ASAP1: variants seen among roughly 807,000 people sequenced by gnomAD.
ASAP1 encodes ArfGAP with SH3 domain, ankyrin repeat and PH domain 1, also known as arf-GAP with SH3 domain, ANK repeat and PH domain-containing protein 1.
A neutral mutation model predicts 145.2 loss-of-function variants in ASAP1; 43 were observed. The ratio of observed to expected loss-of-function variants is 0.30; its 90% CI spans 0.23 to 0.38. ASAP1 has a LOEUF of 0.38. Ranked by LOEUF, ASAP1 falls within the 10% of genes least tolerant of loss-of-function variation. ASAP1 has a pLI of 1.00. For missense variants in ASAP1, 1,018 were observed against 1,355.3 expected, an observed-to-expected ratio of 0.75 and a Z score of 3.91; for synonymous variants, 546 against 515.5, an observed-to-expected ratio of 1.06 and a Z score of -0.80.
At chr8:130,429,819 A>G (rs538786920) in intron 1 of ASAP1, among the ~76,000 whole-genome samples, 1 of 152,350 alleles carries the variant, frequency 6.6e-6, no homozygotes, top group East Asian at 1.9e-4. Flanking sequence ...ATGAGTTTTG[A>G]AGAATAACGC....
chr8:130,301,189 A>G (rs2137424878), intron 3 of ASAP1, among the ~76,000 whole-genome samples: 1 of 152,314 alleles, frequency 6.6e-6, no homozygotes, highest in East Asian at 1.9e-4. Flanking sequence ...GGCATAACCC[A>G]TTAGGCTACC....
chr8:130,435,478 G>A (rs1353849432), intron 1 of ASAP1, among the ~76,000 whole-genome samples: 8 of 152,172 alleles, frequency 5.3e-5, no homozygotes, highest in African/African-American at 9.7e-5. Flanking sequence ...TGCACAGGAC[G>A]CACTCAGTAA....
At chr8:130,276,722 A>T (rs1365504761) in intron 3 of ASAP1, among the ~76,000 whole-genome samples, 1,224 of 109,876 alleles carry the variant, frequency 0.011, 15 homozygotes, top group African/African-American at 0.036. Context: ...ACACACACAC[A>T]CACACACTCT....
chr8:130,270,247 G>A (rs984290779), intron 3 of ASAP1, among the ~76,000 whole-genome samples: 1 of 152,166 alleles, frequency 6.6e-6, no homozygotes, highest in African/African-American at 2.4e-5. Context: ...AAGTCACTTT[G>A]GGCCCATGTT....
At chr8:130,291,798 A>G (rs1185027216) in intron 3 of ASAP1, among the ~76,000 whole-genome samples, 1 of 152,182 alleles carries the variant, frequency 6.6e-6, no homozygotes, top group African/African-American at 2.4e-5. Context: ...CCAAGATGCC[A>G]TATGTTAAAG....
intron 1 of ASAP1, among the ~76,000 whole-genome samples, chr8:130,420,082 C>T (rs1011045848): frequency 2.0e-5 from 3 of 152,074 alleles, no homozygotes; most frequent in East Asian, 1.9e-4. Flanking sequence ...TGAGCCACCA[C>T]GCCCAGCCAA....
chr8:130,265,884 A>G (rs562873807), intron 3 of ASAP1, among the ~76,000 whole-genome samples: 1 of 152,176 alleles, frequency 6.6e-6, no homozygotes, highest in Admixed American at 6.5e-5. Flanking sequence ...TCTCCCCCGA[A>G]AAAAGCAAAG....
At chr8:130,296,957 A>T (rs1171122792) in intron 3 of ASAP1, among the ~76,000 whole-genome samples, 1 of 152,106 alleles carries the variant, frequency 6.6e-6, no homozygotes, top group Non-Finnish European at 1.5e-5. Context: ...TAAGTGGATG[A>T]GAGAGGTAAG....
intron 1 of ASAP1, among the ~76,000 whole-genome samples, chr8:130,430,570 C>T (rs1398402096): frequency 6.6e-6 from 1 of 152,110 alleles, no homozygotes; most frequent in Non-Finnish European, 1.5e-5. Flanking sequence ...GCTTGTTAAG[C>T]AGGAAGGTGA....
intron 3 of ASAP1, among the ~76,000 whole-genome samples, chr8:130,301,677 T>A (rs917112073): frequency 8.5e-5 from 13 of 152,330 alleles, no homozygotes; most frequent in African/African-American, 3.1e-4. Context: ...ACCAGAAATA[T>A]ATCCTACAAT....
At chr8:130,059,690 AAT>A (rs1407518171) in intron 28 of ASAP1, among the ~76,000 whole-genome samples, 2 of 152,240 alleles carry the variant, frequency 1.3e-5, no homozygotes, top group Non-Finnish European at 2.9e-5. Flanking sequence ...AAAATGACAG[AAT>A]ATGAGATTTC....
At chr8:130,211,965 T>C (rs1318966427) in intron 5 of ASAP1, among the ~76,000 whole-genome samples, 1 of 152,120 alleles carries the variant, frequency 6.6e-6, no homozygotes, top group African/African-American at 2.4e-5. Flanking sequence ...GGGTGTTGAG[T>C]GCTGCTCAGC....
chr8:130,435,257 T>G (rs1407798089), intron 1 of ASAP1, among the ~76,000 whole-genome samples: 1 of 152,236 alleles, frequency 6.6e-6, no homozygotes, highest in Non-Finnish European at 1.5e-5. Context: ...ATTCAGGACT[T>G]CTGAGTCTCA....
At chr8:130,381,257 G>A (rs1470006657) in intron 2 of ASAP1, among the ~76,000 whole-genome samples, 3 of 152,074 alleles carry the variant, frequency 2.0e-5, no homozygotes, top group Non-Finnish European at 4.4e-5. Context: ...TTAAACTCCT[G>A]GTCTCAAGCA....
intron 3 of ASAP1, among the ~76,000 whole-genome samples, chr8:130,257,320 C>T (rs1819624208): frequency 6.6e-6 from 1 of 152,122 alleles, no homozygotes; most frequent in Non-Finnish European, 1.5e-5. Flanking sequence ...AGCAGTTCCC[C>T]CAATATCCAA....
At chr8:130,384,265 A>G (rs1827910111) in intron 2 of ASAP1, among the ~76,000 whole-genome samples, 1 of 152,162 alleles carries the variant, frequency 6.6e-6, no homozygotes, top group Non-Finnish European at 1.5e-5. Context: ...TTTCCCCTCC[A>G]CCATGAGAGA....
chr8:130,218,878 T>G (rs1241458398), intron 4 of ASAP1, among the ~76,000 whole-genome samples: 3 of 152,128 alleles, frequency 2.0e-5, no homozygotes, highest in African/African-American at 7.2e-5. Flanking sequence ...TATGTATGTA[T>G]GTATGTGTGT....
In ASAP1 at chr8:130,436,996, T is replaced by C. The variant is rs1355868565; in HGVS notation, c.-28+6464A>G. Among the ~76,000 whole-genome samples the C allele has an allele frequency of 2.0e-5, 3 of 149,882 alleles. No individual in the cohort carries two copies. The East Asian group carries it at 5.9e-4, about 30-fold the overall frequency. ...GGAACATGCCTGTAATCCCAGCTAC[T>C]CAGGAGGCTAAGGCAGGAGAATCAC... is the stretch of plus-strand genomic sequence containing the variant. On this transcript the variant is annotated intron_variant, in intron 1 of 29. Coordinates refer to ENST00000518721, the MANE Select transcript of ASAP1 (RefSeq NM_018482.4).
At chr8:130,136,532 A>G (rs1352296833) in intron 14 of ASAP1, among the ~76,000 whole-genome samples, 1 of 150,450 alleles carries the variant, frequency 6.6e-6, no homozygotes, top group Non-Finnish European at 1.5e-5. Flanking sequence ...CTTCTTAACC[A>G]CAGGTGCACA....
Sources: allele counts gnomAD v4.1 joint callset (sites outside exome capture counted in the v4.1 genomes callset), GRCh38; gene constraint gnomAD v4.1.1; transcripts MANE v1.5; gene names NCBI Gene and HGNC (gene_info 2026-07-23, HGNC 2026-07-21).